IQSEC1: variants seen among roughly 807,000 people sequenced by gnomAD.
The protein encoded by IQSEC1 is IQ motif and SEC7 domain-containing protein 1.
In IQSEC1, 31 loss-of-function variants were observed where a neutral mutation model predicts 91.0. The observed-to-expected ratio is 0.34, with a 90% CI of 0.26 to 0.46. The LOEUF is 0.46. IQSEC1 is among the 20% of genes least tolerant of loss of function. The pLI, the probability that IQSEC1 is intolerant of heterozygous loss-of-function variation, is 1.00. For missense variants in IQSEC1, 1,388 were observed against 1,575.6 expected (o/e 0.88, Z 2.02); for synonymous variants, 699 against 662.6 (o/e 1.05, Z -0.84).
At chr3:13,265,701 C>T (rs757968069) in intron 1 of IQSEC1, among the ~76,000 whole-genome samples, 2 of 152,118 alleles carry the variant, frequency 1.3e-5, no homozygotes, top group Non-Finnish European at 2.9e-5. Context: ...CCAGCCATCA[C>T]ATCCTCATTC....
intron 2 of IQSEC1, among the ~76,000 whole-genome samples, chr3:13,149,452 A>C (rs777735764): frequency 6.6e-6 from 1 of 152,080 alleles, no homozygotes; most frequent in Non-Finnish European, 1.5e-5. Context: ...GAGGACAGGC[A>C]GGGACAGGAC....
intron 1 of IQSEC1, among the ~76,000 whole-genome samples, chr3:13,272,503 G>A (rs941657786): frequency 2.6e-5 from 4 of 152,260 alleles, no homozygotes; most frequent in African/African-American, 7.2e-5. Flanking sequence ...CAGTACGGGG[G>A]CATCTGTTGA....
intron 1 of IQSEC1, among the ~76,000 whole-genome samples, chr3:13,041,242 G>A (rs1704254838): frequency 6.6e-6 from 1 of 151,988 alleles, no homozygotes; most frequent in African/African-American, 2.4e-5. Flanking sequence ...GTGAAAGGCT[G>A]CACCACAGCG....
intron 6 of IQSEC1, 128 bp downstream of exon 6, chr3:12,920,302 G>T: frequency 1.1e-6 from 1 of 916,626 alleles, no homozygotes. Context: ...CTCCATGCCA[G>T]ACCCTGGAGT....
chr3:13,018,945 C>T (rs1160778869), intron 1 of IQSEC1, among the ~76,000 whole-genome samples: 3 of 152,180 alleles, frequency 2.0e-5, no homozygotes, highest in Non-Finnish European at 2.9e-5. Context: ...CACGTTATCC[C>T]CCTAAGCCCC....
At chr3:12,928,241 G>C (rs1575938600) in intron 3 of IQSEC1, among the ~76,000 whole-genome samples, 1 of 151,832 alleles carries the variant, frequency 6.6e-6, no homozygotes, top group Non-Finnish European at 1.5e-5. Flanking sequence ...TGGCCGAGGT[G>C]GGGGCGGTGG....
intron 2 of IQSEC1, among the ~76,000 whole-genome samples, chr3:13,156,621 G>A (rs1419813457): frequency 2.6e-5 from 4 of 152,242 alleles, no homozygotes; most frequent in African/African-American, 9.6e-5. Flanking sequence ...GCTGTGCCAG[G>A]GCACATGGCA....
intron 1 of IQSEC1, among the ~76,000 whole-genome samples, chr3:12,976,789 C>G (rs1229321656): frequency 1.3e-5 from 2 of 152,168 alleles, no homozygotes; most frequent in Non-Finnish European, 2.9e-5. Flanking sequence ...GTCTGCTGGA[C>G]AGGTGAATCA....
chr3:12,956,215 C>T (rs1699896200), intron 1 of IQSEC1, among the ~76,000 whole-genome samples: 1 of 152,224 alleles, frequency 6.6e-6, no homozygotes, highest in African/African-American at 2.4e-5. Context: ...GCCACCCCTT[C>T]TCTTCCTGCC....
Position 13,073,162 on chromosome 3 carries a change from T to C in IQSEC1, c.-148A>G, listed in dbSNP as rs2125117713. On this transcript the variant is annotated 5_prime_UTR_variant, in exon 1 of 14. Transcript: ENST00000613206. ...AGTCACATTCCCGGGGGTGGCGGGC[T>C]CCTCCAGGGAGGCTGGGGCGGGAGC... 39 of 559,356 alleles carry C rather than the reference T, an allele frequency of 7.0e-5. No homozygotes were observed. The highest frequency in any genetic ancestry group is 8.4e-5 in the Non-Finnish European group (27 of 321,754). 34.6% of individuals were successfully genotyped at this position (559,356 alleles called of 1,614,324 possible).
At chr3:13,020,053 G>A (rs866435488) in intron 1 of IQSEC1, among the ~76,000 whole-genome samples, 7 of 152,202 alleles carry the variant, frequency 4.6e-5, no homozygotes, top group Admixed American at 3.3e-4. Context: ...TCCCAGTGCC[G>A]AGCCCTCTGC....
intron 2 of IQSEC1, among the ~76,000 whole-genome samples, chr3:13,088,498 C>T (rs1441671096): frequency 6.6e-6 from 1 of 151,992 alleles, no homozygotes; most frequent in East Asian, 1.9e-4. Flanking sequence ...CCACACCCCT[C>T]CCTGGTTCCT....
intron 1 of IQSEC1, among the ~76,000 whole-genome samples, chr3:12,956,794 C>T (rs1477774515): frequency 6.6e-6 from 1 of 152,214 alleles, no homozygotes; most frequent in Non-Finnish European, 1.5e-5. Context: ...GGTCTCTCTA[C>T]AGCTCCCCTA....
At chr3:13,264,472 A>C (rs1002683536) in intron 1 of IQSEC1, among the ~76,000 whole-genome samples, 3 of 152,116 alleles carry the variant, frequency 2.0e-5, no homozygotes, top group Admixed American at 2.0e-4. Flanking sequence ...ATCTGTCTCC[A>C]AGTCAAACCG....
intron 2 of IQSEC1, among the ~76,000 whole-genome samples, chr3:13,082,855 C>T (rs569410317): frequency 6.6e-6 from 1 of 152,318 alleles, no homozygotes; most frequent in South Asian, 2.1e-4. Flanking sequence ...AAGGGGCCCA[C>T]TGTCAGCCCC....
chr3:13,268,765 C>T (rs1466957736), intron 1 of IQSEC1, among the ~76,000 whole-genome samples: 1 of 152,128 alleles, frequency 6.6e-6, no homozygotes, highest in African/African-American at 2.4e-5. Flanking sequence ...TAACAATCGT[C>T]GATTCATTCA....
At chr3:13,261,403 G>A (rs909422742) in intron 1 of IQSEC1, among the ~76,000 whole-genome samples, 14 of 152,162 alleles carry the variant, frequency 9.2e-5, no homozygotes, top group Non-Finnish European at 1.6e-4. Flanking sequence ...CAGAGACCAC[G>A]CCATGCCCCT....
chr3:13,022,528 G>T, intron 1 of IQSEC1: 1 of 919,752 alleles, frequency 1.1e-6, no homozygotes. Context: ...TCAGCTGCCG[G>T]AGCCCAGGGG....
At chr3:13,240,626 C>G (rs892773239) in intron 1 of IQSEC1, among the ~76,000 whole-genome samples, 1 of 152,168 alleles carries the variant, frequency 6.6e-6, no homozygotes, top group Non-Finnish European at 1.5e-5. Flanking sequence ...CTCAGCGCCA[C>G]CCTCACAATC....
Sources: gnomAD v4.1 joint callset for allele counts (sites outside exome capture counted in the v4.1 genomes callset) on GRCh38, gnomAD v4.1.1 for gene constraint, MANE v1.5 for transcripts, NCBI Gene and HGNC (gene_info 2026-07-23, HGNC 2026-07-21) for gene names.